The following HPCA variants were observed in gnomAD, a reference collection of about 807,000 sequenced individuals.
HPCA encodes the protein hippocalcin.
HPCA carries 4 observed loss-of-function variants against 18.2 expected under a neutral mutation model. The ratio of observed to expected loss-of-function variants is 0.22; its 90% CI spans 0.11 to 0.50. The LOEUF (loss-of-function observed/expected upper bound fraction) is 0.50. HPCA is among the 20% of genes least tolerant of loss of function. The pLI, the probability that HPCA is intolerant of heterozygous loss-of-function variation, is 0.97. For missense variants in HPCA, 161 were observed against 265.8 expected (o/e 0.61, Z 2.74); for synonymous variants, 93 against 103.5 (o/e 0.90, Z 0.61).
In HPCA at chr1:32,889,012, C is replaced by T. The variant is rs1196653286; in HGVS notation, c.114C>T (p.Cys38=). The T allele has an allele frequency of 1.9e-6, 3 of 1,614,056 alleles. No homozygotes were observed. Among genetic ancestry groups the T allele is most frequent in the Non-Finnish European group, 2.5e-6 (3 of 1,180,024 alleles). The change falls in exon 2 of 4, where the codon TGC becomes TGT. Residue 38 remains cysteine (C), a synonymous_variant. Transcript: ENST00000373467. This position sits in a 1 kb window ranked among gnomAD's most constrained non-coding sequence, Gnocchi z 4.6. ...GGTACAAGGGCTTCCTCAAGGACTG[C>T]CCCACAGGAATCCTCAATGTGGATG... The part of the protein sequence containing the change: ...QEWYKGFLKD[C]PTGILNVDEF...
In HPCA at chr1:32,889,575, T is replaced by G. The variant is rs1641422943; in HGVS notation, c.378+299T>G. Among the ~76,000 whole-genome samples the G allele has an allele frequency of 6.6e-6, 1 of 152,222 alleles. No individual in the cohort carries two copies. Among genetic ancestry groups the G allele is most frequent in the African/African-American group, 2.4e-5 (1 of 41,444 alleles). On this transcript the variant is annotated intron_variant, in intron 2 of 3. Transcript: ENST00000373467. The surrounding 1 kb of genome is among the most constrained non-coding windows in gnomAD (Gnocchi z 4.6). Reference sequence around the variant, plus strand: ...AACATTTTCTTGCTGTTCTGAACATTGGCCCTTTACCCCTGGATACATTAG... The same window carrying G: ...AACATTTTCTTGCTGTTCTGAACATGGGCCCTTTACCCCTGGATACATTAG...
Position 32,889,363 on chromosome 1 carries a change from T to C in HPCA, c.378+87T>C, listed in dbSNP as rs531868191. ...CTTTTGATCCTCTCAGCAGACCTCGTAGGCATGTGGTGGCAGGGGATATTC... is the reference window on the plus strand; with the variant it reads ...CTTTTGATCCTCTCAGCAGACCTCGCAGGCATGTGGTGGCAGGGGATATTC... On this transcript the variant is annotated intron_variant, in intron 2 of 3. Coordinates refer to ENST00000373467, the MANE Select transcript of HPCA (RefSeq NM_002143.3). This position sits in a 1 kb window ranked among gnomAD's most constrained non-coding sequence, Gnocchi z 4.6. The C allele has an allele frequency of 1.6e-4, 217 of 1,377,956 alleles. 3 individuals carry two copies. In the South Asian group the frequency reaches 2.8e-3, roughly 18 times the overall value. The allele number at this position is 1,377,956 out of a possible 1,614,324, so 85.4% of individuals were successfully genotyped here. A position where few individuals can be genotyped will look rare whatever the true frequency, so the allele number is the denominator to read the frequency against.
Position 32,886,543 on chromosome 1 carries a change from C to CG in HPCA, c.-22+33dup, listed in dbSNP as rs1641371936. On this transcript the variant is annotated intron_variant, in intron 1 of 3. Transcript: ENST00000373467. The surrounding 1 kb of genome is among the most constrained non-coding windows in gnomAD (Gnocchi z 7.0). ...GAGTGGGGGCAGCTCCAGCCGGGGC[C>CG]GGGGGATGAGGGCAGGGGGTTCCCG... 6.6e-6 allele frequency: 1 copy of CG among 152,004 alleles called. No individual in the cohort carries two copies. The allele number at this position is 152,004 out of a possible 1,614,324, so 9.4% of individuals were successfully genotyped here.
chr1:32,891,393 G>A (rs113469001), intron 2 of HPCA, among the ~76,000 whole-genome samples: 11 of 152,372 alleles, frequency 7.2e-5, no homozygotes, highest in African/African-American at 2.4e-4. Context: ...GCCAGGTAAT[G>A]GACACACTGG....
At position 32,886,568 on chromosome 1, in the gene HPCA, G is replaced by C. The variant is rs562377941; in HGVS notation, c.-22+53G>C. 21 of 152,304 alleles carry C rather than the reference G, an allele frequency of 1.4e-4. No individual in the cohort carries two copies. Among genetic ancestry groups the C allele is most frequent in the African/African-American group, 5.1e-4 (21 of 41,560 alleles). 9.4% of individuals were successfully genotyped at this position (152,304 alleles called of 1,614,324 possible). On this transcript the variant is annotated intron_variant, in intron 1 of 3. Transcript: ENST00000373467. The surrounding 1 kb of genome is among the most constrained non-coding windows in gnomAD (Gnocchi z 7.0). ...CGGGGGATGAGGGCAGGGGGTTCCC[G>C]GAGCTGGGGGCCCACGTCCAGGGCT... is the stretch of plus-strand genomic sequence containing the variant.
At position 32,893,487 on chromosome 1, in the gene HPCA, G is replaced by T. The variant is rs1352363666; in HGVS notation, c.379-37G>T. On this transcript the variant is annotated intron_variant, in intron 2 of 3. Coordinates refer to ENST00000373467, the MANE Select transcript of HPCA (RefSeq NM_002143.3). The surrounding 1 kb of genome is among the most constrained non-coding windows in gnomAD (Gnocchi z 7.5). Reference sequence around the variant, plus strand: ...AATCTTGCGGGTGGGGGCTCGGGCAGGCTCCTCTCACTCCCCGCCTCCCCT... The same window carrying T: ...AATCTTGCGGGTGGGGGCTCGGGCATGCTCCTCTCACTCCCCGCCTCCCCT... 1 of 1,460,680 alleles carries T rather than the reference G, an allele frequency of 6.8e-7. No homozygotes were observed. Among genetic ancestry groups the T allele is most frequent in the Admixed American group, 1.7e-5 (1 of 59,134 alleles). 90.5% of individuals were successfully genotyped at this position (1,460,680 alleles called of 1,614,324 possible).
chr1:32,886,763 C>T lies in HPCA; in HGVS notation c.-22+248C>T, dbSNP rs1641376491. Among the ~76,000 whole-genome samples the T allele has an allele frequency of 6.6e-6, 1 of 151,964 alleles. No homozygotes were observed. Among genetic ancestry groups the T allele is most frequent in the South Asian group, 2.1e-4 (1 of 4,824 alleles). On this transcript the variant is annotated intron_variant, in intron 1 of 3. Coordinates refer to ENST00000373467, the MANE Select transcript of HPCA (RefSeq NM_002143.3). This position sits in a 1 kb window ranked among gnomAD's most constrained non-coding sequence, Gnocchi z 7.0. Reference sequence around the variant, plus strand: ...GCCCCCTCCAGGAGGGGCCACGCGCCGGGCGCTGTCCTAGTGCTGAGCGGA... The same window carrying T: ...GCCCCCTCCAGGAGGGGCCACGCGCTGGGCGCTGTCCTAGTGCTGAGCGGA...
At position 32,889,006 on chromosome 1, in the gene HPCA, G is replaced by A; in HGVS notation, c.108G>A (p.Lys36=). 1 of 1,614,148 alleles carries A rather than the reference G, an allele frequency of 6.2e-7. No homozygotes were observed. Among genetic ancestry groups the A allele is most frequent in the East Asian group, 2.2e-5 (1 of 44,888 alleles). ...ELQEWYKGFL[K]DCPTGILNVD... Reference sequence around the variant, plus strand: ...AGGAGTGGTACAAGGGCTTCCTCAAGGACTGCCCCACAGGAATCCTCAATG... The same window carrying A: ...AGGAGTGGTACAAGGGCTTCCTCAAAGACTGCCCCACAGGAATCCTCAATG... Residue 36 remains lysine, a synonymous_variant, in exon 2 of 4, where the codon AAG becomes AAA. Coordinates refer to ENST00000373467, the MANE Select transcript of HPCA (RefSeq NM_002143.3). The surrounding 1 kb of genome is among the most constrained non-coding windows in gnomAD (Gnocchi z 4.6).
intron 2 of HPCA, among the ~76,000 whole-genome samples, chr1:32,890,370 G>A (rs957762145): frequency 5.9e-5 from 9 of 152,212 alleles, no homozygotes; most frequent in Non-Finnish European, 1.2e-4. Flanking sequence ...CTTTATTTCA[G>A]AAACCACCCA....
chr1:32,893,032 G>C lies in HPCA; in HGVS notation c.379-492G>C, dbSNP rs1431847777. 2.0e-5 allele frequency among the ~76,000 whole-genome samples: 3 copies of C among 151,452 alleles called. No individual in the cohort carries two copies. Among genetic ancestry groups the C allele is most frequent in the African/African-American group, 7.3e-5 (3 of 41,264 alleles). On this transcript the variant is annotated intron_variant, in intron 2 of 3. Transcript: ENST00000373467. The surrounding 1 kb of genome is among the most constrained non-coding windows in gnomAD (Gnocchi z 7.5). ...TGCCTCTGGCCCTCCAGCCCGCGCC[G>C]CGCCCCCTGCCGGCAGCAGACGGCC...
chr1:32,887,554 T>C (rs1641390638), intron 1 of HPCA, among the ~76,000 whole-genome samples: 1 of 152,096 alleles, frequency 6.6e-6, no homozygotes. Flanking sequence ...CTTTCAGGAC[T>C]AGATGAAGGG....
At position 32,894,006 on chromosome 1, in the gene HPCA, G is replaced by C. The variant is rs1570026691; in HGVS notation, c.*144G>C. The C allele has an allele frequency of 1.5e-6, 1 of 649,332 alleles. No homozygotes were observed. The highest frequency in any genetic ancestry group is 2.8e-5 in the East Asian group (1 of 36,338). The allele number at this position is 649,332 out of a possible 1,614,324, so 40.2% of individuals were successfully genotyped here. A position where few individuals can be genotyped will look rare whatever the true frequency, so the allele number is the denominator to read the frequency against. On this transcript the variant is annotated 3_prime_UTR_variant, in exon 4 of 4. Coordinates refer to ENST00000373467, the MANE Select transcript of HPCA (RefSeq NM_002143.3). The stretch of plus-strand genomic sequence containing the variant: ...TGCCCTGTGGGGGGCTTCCGGAAAA[G>C]GGAACCCTGCGGTACCCCCAGGCCA...
Position 32,889,573 on chromosome 1 carries a change from A to T in HPCA, c.378+297A>T, listed in dbSNP as rs1641422908. ...GTAACATTTTCTTGCTGTTCTGAAC[A>T]TTGGCCCTTTACCCCTGGATACATT... is the stretch of plus-strand genomic sequence containing the variant. On this transcript the variant is annotated intron_variant, in intron 2 of 3. Transcript: ENST00000373467. The surrounding 1 kb of genome is among the most constrained non-coding windows in gnomAD (Gnocchi z 4.6). 1.3e-5 allele frequency among the ~76,000 whole-genome samples: 2 copies of T among 152,230 alleles called. No individual in the cohort carries two copies. Among genetic ancestry groups the T allele is most frequent in the African/African-American group, 4.8e-5 (2 of 41,454 alleles).
chr1:32,893,673 T>TTGCGG lies in HPCA; in HGVS notation c.484+44_484+45insTGCGG. On this transcript the variant is annotated intron_variant, in intron 3 of 3. Transcript: ENST00000373467. The surrounding 1 kb of genome is among the most constrained non-coding windows in gnomAD (Gnocchi z 7.5). ...ACGGGGTGGACGGGGCGGGCGCCTT[T>TTGCGG]CCCTCCCTCCCTCCCTGCCTCCCTT... The TTGCGG allele has an allele frequency of 1.5e-6, 2 of 1,314,122 alleles. No homozygotes were observed. The highest frequency in any genetic ancestry group is 2.2e-6 in the Non-Finnish European group (2 of 926,074). The allele number at this position is 1,314,122 out of a possible 1,614,324, so 81.4% of individuals were successfully genotyped here. A position where few individuals can be genotyped will look rare whatever the true frequency, so the allele number is the denominator to read the frequency against.
At position 32,889,295 on chromosome 1, in the gene HPCA, C is replaced by T. The variant is rs779047108; in HGVS notation, c.378+19C>T. On this transcript the variant is annotated intron_variant, in intron 2 of 3. Coordinates refer to ENST00000373467, the MANE Select transcript of HPCA (RefSeq NM_002143.3). The surrounding 1 kb of genome is among the most constrained non-coding windows in gnomAD (Gnocchi z 4.6). ...CGTGCAGGTGGGCCCCTGGGCCCCT[C>T]AGAATGCCAGGCACAGGGCCCGGCA... is the stretch of plus-strand genomic sequence containing the variant. 8.8e-6 allele frequency: 14 copies of T among 1,597,114 alleles called. No homozygotes were observed. The highest frequency in any genetic ancestry group is 1.1e-5 in the Non-Finnish European group (13 of 1,169,900).
rs1274557351 is a variant in HPCA, at chr1:32,893,461, G to C, written c.379-63G>C. 147 of 1,226,988 alleles carry C rather than the reference G, an allele frequency of 1.2e-4. No individual in the cohort carries two copies. Among genetic ancestry groups the C allele is most frequent in the Non-Finnish European group, 1.4e-4 (118 of 840,290 alleles). 76.0% of individuals were successfully genotyped at this position (1,226,988 alleles called of 1,614,324 possible). On this transcript the variant is annotated intron_variant, in intron 2 of 3. Transcript: ENST00000373467. The surrounding 1 kb of genome is among the most constrained non-coding windows in gnomAD (Gnocchi z 7.5). ...CGTCAGAGAGCCCGGGGGCGCCTCT[G>C]AATCTTGCGGGTGGGGGCTCGGGCA... is the stretch of plus-strand genomic sequence containing the variant.
intron 1 of HPCA, among the ~76,000 whole-genome samples, chr1:32,887,043 G>C (rs1641381879): frequency 6.6e-6 from 1 of 152,204 alleles, no homozygotes. Flanking sequence ...GAGGAGGGCA[G>C]TGCGGGACAT....
In HPCA at chr1:32,886,842, G is replaced by T. The variant is rs546451732; in HGVS notation, c.-22+327G>T. Among the ~76,000 whole-genome samples, 258 of 152,304 alleles carry T rather than the reference G, an allele frequency of 1.7e-3. 2 individuals are homozygous for T. The highest frequency in any genetic ancestry group is 6.0e-3 in the African/African-American group (249 of 41,570). Reference sequence around the variant, plus strand: ...AGGGAGGTTTGGAGCGGGTCCCCGGGGCTGGCTTCTCAGGTCGAGCTGAGG... The same window carrying T: ...AGGGAGGTTTGGAGCGGGTCCCCGGTGCTGGCTTCTCAGGTCGAGCTGAGG... On this transcript the variant is annotated intron_variant, in intron 1 of 3. Coordinates refer to ENST00000373467, the MANE Select transcript of HPCA (RefSeq NM_002143.3). The surrounding 1 kb of genome is among the most constrained non-coding windows in gnomAD (Gnocchi z 7.0).
intron 2 of HPCA, among the ~76,000 whole-genome samples, chr1:32,890,493 C>T (rs1351578306): frequency 6.6e-6 from 1 of 152,198 alleles, no homozygotes; most frequent in African/African-American, 2.4e-5. Flanking sequence ...AATCCCCTGC[C>T]TCACAAGGCT....
Sources: gnomAD v4.1 joint callset for allele counts (sites outside exome capture counted in the v4.1 genomes callset) on GRCh38, gnomAD v4.1.1 for gene constraint, Gnocchi (gnomAD v3.1) non-coding constraint, MANE v1.5 for transcripts, NCBI Gene and HGNC (gene_info 2026-07-23, HGNC 2026-07-21) for gene names.